Variants in LPIN1 observed in about 807,000 individuals in gnomAD.
The protein encoded by LPIN1 is phosphatidate phosphatase LPIN1.
A neutral mutation model predicts 107.5 loss-of-function variants in LPIN1; 71 were observed. The ratio of observed to expected loss-of-function variants is 0.66; its 90% CI spans 0.55 to 0.80. The LOEUF (loss-of-function observed/expected upper bound fraction) is 0.80. Among genes scored for constraint, LPIN1 ranks in the 30% least tolerant of loss-of-function variants. The pLI is 0.00. For missense variants in LPIN1, 1,043 were observed against 1,160.6 expected (o/e 0.90, Z 1.47); for synonymous variants, 445 against 452.6 (o/e 0.98, Z 0.21).
At chr2:11,809,673 C>T (rs986339935) in intron 17 of LPIN1, among the ~76,000 whole-genome samples, 1 of 152,234 alleles carries the variant, frequency 6.6e-6, no homozygotes, top group African/African-American at 2.4e-5. Flanking sequence ...ACCTCAGCCT[C>T]CCAAAGTGTG....
chr2:11,762,109 T>G (rs1309511734), intron 1 of LPIN1, among the ~76,000 whole-genome samples: 1 of 152,068 alleles, frequency 6.6e-6, no homozygotes, highest in Non-Finnish European at 1.5e-5. Flanking sequence ...GACCCCCTCC[T>G]CGCGTTCATT....
intron 1 of LPIN1, among the ~76,000 whole-genome samples, chr2:11,700,423 ACCTCTGGT>A (rs974257391): frequency 6.6e-6 from 1 of 150,532 alleles, no homozygotes; most frequent in African/African-American, 2.5e-5. Flanking sequence ...TCTCATCCTG[ACCTCTGGT>A]CCATTGCACT....
rs1376020274 is a variant in LPIN1 at position 11,765,710 on chromosome 2, G to T, written c.169G>T (p.Val57Phe). 3.1e-6 allele frequency: 5 copies of T among 1,611,448 alleles called. No homozygotes were observed. Among genetic ancestry groups the T allele is most frequent in the East Asian group, 2.2e-5 (1 of 44,796 alleles). The change falls in exon 2 of 21, where the codon GTC (valine) becomes TTC (phenylalanine). Residue 57 changes from valine (V) to phenylalanine (F), a missense_variant. By Grantham distance (50) the Val-to-Phe change is conservative. Coordinates refer to ENST00000674199, the MANE Select transcript of LPIN1 (RefSeq NM_001349206.2). The surrounding 1 kb of genome is among the most constrained non-coding windows in gnomAD (Gnocchi z 4.4). ...PFHVRFGKMG[V>F]LRSREKVVDI... ...CCACGTCCGCTTTGGGAAGATGGGG[G>T]TCCTGCGCTCCCGAGAGAAAGTGGT...
chr2:11,785,198 C>T (rs1277162756), intron 10 of LPIN1, 122 bp downstream of exon 10: 5 of 719,424 alleles, frequency 7.0e-6, no homozygotes, highest in Non-Finnish European at 1.1e-5. Flanking sequence ...AATGATAGCA[C>T]AGATGATAGC....
At chr2:11,738,385 T>TA (rs559141592) in intron 1 of LPIN1, among the ~76,000 whole-genome samples, 138 of 134,322 alleles carry the variant, frequency 1.0e-3, no homozygotes, top group South Asian at 2.2e-3. Flanking sequence ...AAGGTATAAT[T>TA]AAAAAAAAAA....
chr2:11,811,978 C>T (rs963478600), intron 17 of LPIN1, among the ~76,000 whole-genome samples: 3 of 150,930 alleles, frequency 2.0e-5, no homozygotes, highest in Admixed American at 6.6e-5. Flanking sequence ...AGCGAGACTC[C>T]GTCTCAAAAA....
Position 11,765,493 on chromosome 2 carries a change from A to C in LPIN1, c.-9-40A>C. The C allele has an allele frequency of 6.4e-7, 1 of 1,566,130 alleles. No individual in the cohort carries two copies. The highest frequency in any genetic ancestry group is 8.7e-7 in the Non-Finnish European group (1 of 1,150,252). On this transcript the variant is annotated intron_variant, in intron 1 of 20. Transcript: ENST00000674199. This position sits in a 1 kb window ranked among gnomAD's most constrained non-coding sequence, Gnocchi z 4.4. ...TTTTGATTGGCTCTTCCTTGGATTAATTGTGTGTCTGTGTGTGTTTTTTTT... is the reference window on the plus strand; with the variant it reads ...TTTTGATTGGCTCTTCCTTGGATTACTTGTGTGTCTGTGTGTGTTTTTTTT...
chr2:11,820,998 G>A (rs1681412828), intron 20 of LPIN1, among the ~76,000 whole-genome samples: 2 of 152,166 alleles, frequency 1.3e-5, no homozygotes, highest in South Asian at 4.1e-4. Context: ...GGCTAAATGG[G>A]ATTACTCTTT....
At chr2:11,685,487 G>A (rs1041777424) in intron 1 of LPIN1, among the ~76,000 whole-genome samples, 1 of 152,188 alleles carries the variant, frequency 6.6e-6, no homozygotes, top group African/African-American at 2.4e-5. Flanking sequence ...GCAGAGAAGG[G>A]TTTTGAACCA....
chr2:11,779,337 T>C (rs1205625177), intron 6 of LPIN1, among the ~76,000 whole-genome samples, 182 bp from the exon 7 acceptor site: 1 of 152,194 alleles, frequency 6.6e-6, no homozygotes, highest in Non-Finnish European at 1.5e-5. Context: ...GTGGAGCGCC[T>C]TCCATGGGAG....
intron 1 of LPIN1, among the ~76,000 whole-genome samples, chr2:11,700,757 A>G (rs1662829969): frequency 6.6e-6 from 1 of 152,160 alleles, no homozygotes; most frequent in South Asian, 2.1e-4. Flanking sequence ...GCAGAGAGAG[A>G]GGCTGAAGGA....
At position 11,695,227 on chromosome 2, in the gene LPIN1, A is replaced by G. The variant is rs542620756; in HGVS notation, c.81+17499A>G. On this transcript the variant is annotated intron_variant, in intron 1 of 21. Transcript: ENST00000449576. ...TCACATGGTGGGCAGTTCATAAACA[A>G]TTAATATAGTAAATATGTAAATGAT... Among the ~76,000 whole-genome samples, 24 of 152,358 alleles carry G rather than the reference A, an allele frequency of 1.6e-4. No homozygotes were observed. In the East Asian group the frequency reaches 3.9e-3, roughly 24 times the overall value.
Position 11,824,852 on chromosome 2 carries a change from G to T in LPIN1, c.*61G>T. The T allele has an allele frequency of 6.3e-7, 1 of 1,595,738 alleles. No homozygotes were observed. Among genetic ancestry groups the T allele is most frequent in the Non-Finnish European group, 8.6e-7 (1 of 1,165,350 alleles). ...CCTGGTTGTCACCCATTAAAGGATA[G>T]GTCTCCCCGGAGTGCACAGCTCCAC... is the stretch of plus-strand genomic sequence containing the variant. On this transcript the variant is annotated 3_prime_UTR_variant, in exon 21 of 21. Transcript: ENST00000674199.
At chr2:11,725,830 T>G (rs1326527618) in intron 1 of LPIN1, among the ~76,000 whole-genome samples, 3 of 152,196 alleles carry the variant, frequency 2.0e-5, no homozygotes, top group Non-Finnish European at 4.4e-5. Flanking sequence ...CTCCCTGGAT[T>G]TCTGGCCCTT....
intron 1 of LPIN1, among the ~76,000 whole-genome samples, chr2:11,761,373 T>C (rs998353131): frequency 5.9e-5 from 9 of 152,180 alleles, no homozygotes; most frequent in African/African-American, 2.2e-4. Context: ...TGTTTATATA[T>C]ATGTGATGTA....
Position 11,803,424 on chromosome 2 carries a change from A to G in LPIN1, c.2013+391A>G, listed in dbSNP as rs1678126998. Reference sequence around the variant, plus strand: ...TGCATCTCTTAAGTTGGTGGAAATCAAGCAGTTGTGATAGAATTTAGAGAA... The same window carrying G: ...TGCATCTCTTAAGTTGGTGGAAATCGAGCAGTTGTGATAGAATTTAGAGAA... On this transcript the variant is annotated intron_variant, in intron 15 of 20. Transcript: ENST00000674199. The surrounding 1 kb of genome is among the most constrained non-coding windows in gnomAD (Gnocchi z 4.2). 6.6e-6 allele frequency among the ~76,000 whole-genome samples: 1 copy of G among 152,196 alleles called. No homozygotes were observed. The highest frequency in any genetic ancestry group is 1.5e-5 in the Non-Finnish European group (1 of 68,028).
At chr2:11,764,723 G>A (rs976212194) in intron 1 of LPIN1, among the ~76,000 whole-genome samples, 1 of 152,218 alleles carries the variant, frequency 6.6e-6, no homozygotes, top group African/African-American at 2.4e-5. Context: ...GCAGTCATTT[G>A]TTTTTCAACT....
At chr2:11,780,768 G>T (rs955441196) in intron 7 of LPIN1, among the ~76,000 whole-genome samples, 2 of 152,204 alleles carry the variant, frequency 1.3e-5, no homozygotes, top group African/African-American at 2.4e-5. Context: ...TGACAGAATT[G>T]TTGTGAGGTT....
At chr2:11,763,954 CAT>C (rs1670277098) in intron 1 of LPIN1, among the ~76,000 whole-genome samples, 1 of 122,872 alleles carries the variant, frequency 8.1e-6, no homozygotes, top group Non-Finnish European at 1.7e-5. Flanking sequence ...GTGACACTGA[CAT>C]ATATTTTAGT....
Sources: gnomAD v4.1 joint callset for allele counts (sites outside exome capture counted in the v4.1 genomes callset) on GRCh38, gnomAD v4.1.1 for gene constraint, Gnocchi (gnomAD v3.1) non-coding constraint, MANE v1.5 for transcripts, NCBI Gene and HGNC (gene_info 2026-07-23, HGNC 2026-07-21) for gene names.